Variants in STK24 observed in about 807,000 individuals in gnomAD.
STK24 encodes serine/threonine-protein kinase 24.
Under a neutral mutation model 55.6 loss-of-function variants are expected in STK24, and 21 were observed. The ratio of observed to expected loss-of-function variants is 0.38; its 90% CI spans 0.27 to 0.54. The LOEUF is 0.54. Ranked by LOEUF, STK24 falls within the 20% of genes least tolerant of loss-of-function variation. The pLI, the probability that STK24 is intolerant of heterozygous loss-of-function variation, is 0.79. For missense variants in STK24, 383 were observed against 538.4 expected (o/e 0.71, Z 2.86); for synonymous variants, 200 against 215.2 (o/e 0.93, Z 0.62).
At chr13:98,456,702 G>A (rs865854591) in intron 10 of STK24, 4 of 372,854 alleles carry the variant, frequency 1.1e-5, no homozygotes, top group Middle Eastern at 4.4e-4. Context: ...TACCAAGGAG[G>A]CTTCCAGACA....
intron 6 of STK24, among the ~76,000 whole-genome samples, chr13:98,465,282 T>G (rs1427324024): frequency 6.6e-6 from 1 of 152,222 alleles, no homozygotes; most frequent in Non-Finnish European, 1.5e-5. Flanking sequence ...TCCCTCCCTG[T>G]CCATCCAAGG....
intron 1 of STK24, 136 bp downstream of exon 1, chr13:98,576,609 C>T: frequency 1.5e-6 from 1 of 648,668 alleles, no homozygotes; most frequent in Non-Finnish European, 2.2e-6. Context: ...GACCCCCGGC[C>T]GAGCCGGGCG....
intron 1 of STK24, among the ~76,000 whole-genome samples, chr13:98,537,455 T>C (rs1355785170): frequency 6.6e-6 from 1 of 152,024 alleles, no homozygotes. Context: ...GTGAGGCGAG[T>C]GCAGCTGAGG....
chr13:98,485,107 G>C (rs1894755512), intron 2 of STK24, among the ~76,000 whole-genome samples: 1 of 152,190 alleles, frequency 6.6e-6, no homozygotes, highest in Non-Finnish European at 1.5e-5. Context: ...ACCTCATTGG[G>C]TGTGTCACCG....
At chr13:98,548,021 C>T (rs1232733152) in intron 1 of STK24, among the ~76,000 whole-genome samples, 1 of 152,174 alleles carries the variant, frequency 6.6e-6, no homozygotes, top group Non-Finnish European at 1.5e-5. Flanking sequence ...ACTTCCCGCT[C>T]CAGCAGCAAA....
intron 1 of STK24, among the ~76,000 whole-genome samples, chr13:98,550,318 C>A (rs1280233046): frequency 6.6e-6 from 1 of 152,166 alleles, no homozygotes; most frequent in Non-Finnish European, 1.5e-5. Context: ...GGGGGAAGAT[C>A]GCGTGAGCCC....
chr13:98,555,926 C>A (rs1383579069), intron 1 of STK24, among the ~76,000 whole-genome samples: 1 of 151,738 alleles, frequency 6.6e-6, no homozygotes, highest in Admixed American at 6.6e-5. Context: ...TTGTGATCCA[C>A]CCGCCTCGGC....
rs1173612246 is a variant in STK24 at position 98,535,393 on chromosome 13, GTGTA to G, written c.43-15924_43-15921del. On this transcript the variant is annotated intron_variant, in intron 1 of 10. Coordinates refer to ENST00000539966, the MANE Select transcript of STK24 (RefSeq NM_001032296.4). ...AAAATATATATATATATATATATGTGTGTATACACACACACACACACACACACAC... is the reference window on the plus strand; with the variant it reads ...AAAATATATATATATATATATATGTGTACACACACACACACACACACACAC... 1.9e-3 allele frequency among the ~76,000 whole-genome samples: 193 copies of G among 102,042 alleles called. 2 individuals carry two copies. The highest frequency in any genetic ancestry group is 8.2e-3 in the African/African-American group (173 of 21,114). The allele number at this position is 102,042 out of a possible 152,430, so 66.9% of individuals were successfully genotyped here.
At chr13:98,510,721 T>C (rs1156797614) in intron 2 of STK24, among the ~76,000 whole-genome samples, 1 of 152,102 alleles carries the variant, frequency 6.6e-6, no homozygotes, top group Non-Finnish European at 1.5e-5. Context: ...CGCAAATCTA[T>C]AGAGACAGAA....
intron 9 of STK24, among the ~76,000 whole-genome samples, chr13:98,458,601 GACAGTATTT>G (rs1232425106): frequency 6.6e-6 from 1 of 152,200 alleles, no homozygotes; most frequent in Non-Finnish European, 1.5e-5. Context: ...CCAATCACTT[GACAGTATTT>G]ACAAGTCCCG....
intron 1 of STK24, among the ~76,000 whole-genome samples, chr13:98,567,662 G>A (rs1332207618): frequency 6.6e-6 from 1 of 152,194 alleles, no homozygotes; most frequent in Non-Finnish European, 1.5e-5. Flanking sequence ...TCATGATGAA[G>A]AGAACGGAGG....
chr13:98,545,772 C>T (rs558568512), intron 1 of STK24, among the ~76,000 whole-genome samples: 1 of 151,942 alleles, frequency 6.6e-6, no homozygotes, highest in Non-Finnish European at 1.5e-5. Context: ...AAGCTAAAAG[C>T]GGCAAATGTC....
At chr13:98,523,316 A>C (rs1896325613) in intron 1 of STK24, among the ~76,000 whole-genome samples, 1 of 152,206 alleles carries the variant, frequency 6.6e-6, no homozygotes, top group South Asian at 2.1e-4. Context: ...AACAGGCGAC[A>C]AGAATTTATC....
chr13:98,447,890 C>T lies in STK24; in HGVS notation c.*5283G>A. On this transcript the variant is annotated 3_prime_UTR_variant, in exon 11 of 11. Coordinates refer to ENST00000539966, the MANE Select transcript of STK24 (RefSeq NM_001032296.4). The stretch of plus-strand genomic sequence containing the variant: ...AAAGGAAGGGAGAGCTTCCACTAAG[C>T]AGGATGGGACACGTCCCGCCATTCT... 3.5e-6 allele frequency: 1 copy of T among 282,560 alleles called. No homozygotes were observed. Among genetic ancestry groups the T allele is most frequent in the Non-Finnish European group, 6.7e-6 (1 of 149,864 alleles). The allele number at this position is 282,560 out of a possible 1,614,324, so 17.5% of individuals were successfully genotyped here.
At chr13:98,507,525 C>A (rs987479385) in intron 2 of STK24, among the ~76,000 whole-genome samples, 2 of 152,218 alleles carry the variant, frequency 1.3e-5, no homozygotes, top group African/African-American at 4.8e-5. Context: ...GGGCTAGCCA[C>A]CTCTGAAGGC....
intron 5 of STK24, among the ~76,000 whole-genome samples, chr13:98,470,232 C>T (rs766526514): frequency 2.0e-5 from 3 of 152,156 alleles, no homozygotes; most frequent in Non-Finnish European, 4.4e-5. Context: ...CCACCTCAGC[C>T]TCCTGGATAG....
chr13:98,454,188 C>T (rs1893341097), intron 10 of STK24: 2 of 152,182 alleles, frequency 1.3e-5, no homozygotes, highest in South Asian at 4.1e-4. Context: ...GGTATGACAA[C>T]AGAAGGCAAT....
At chr13:98,466,187 A>T (rs1893918566) in intron 6 of STK24, among the ~76,000 whole-genome samples, 189 bp downstream of exon 6, 1 of 152,216 alleles carries the variant, frequency 6.6e-6, no homozygotes, top group Admixed American at 6.5e-5. Context: ...AAATAAGGAG[A>T]TTTTTAATAC....
At chr13:98,490,152 T>G (rs1271474248) in intron 2 of STK24, among the ~76,000 whole-genome samples, 1 of 152,064 alleles carries the variant, frequency 6.6e-6, no homozygotes, top group African/African-American at 2.4e-5. Flanking sequence ...TGCATTTCTG[T>G]GACATTGAGG....
Sources: gnomAD v4.1 joint callset for allele counts (sites outside exome capture counted in the v4.1 genomes callset) on GRCh38, gnomAD v4.1.1 for gene constraint, MANE v1.5 for transcripts, NCBI Gene and HGNC (gene_info 2026-07-23, HGNC 2026-07-21) for gene names.